Variants in ADAM7 observed in about 807,000 individuals in gnomAD.
The protein encoded by ADAM7 is ADAM metallopeptidase domain 7.
A neutral mutation model predicts 102.9 loss-of-function variants in ADAM7; 97 were observed. The observed-to-expected ratio is 0.94, with a 90% CI of 0.80 to 1.12. ADAM7 has a LOEUF of 1.12. ADAM7 is among the 50% of genes most tolerant of loss of function. The pLI is 0.00. For synonymous variants in ADAM7, 334 were observed against 304.4 expected, an observed-to-expected ratio of 1.10 and a Z score of -1.01; for missense variants, 991 against 908.7, an observed-to-expected ratio of 1.09 and a Z score of -1.16.
intron 3 of ADAM7, among the ~76,000 whole-genome samples, chr8:24,452,745 TCGA>T: frequency 6.6e-6 from 1 of 151,832 alleles, no homozygotes; most frequent in African/African-American, 2.4e-5. Context: ...CTTCCTAGCC[TCGA>T]TGGTCTTTAC....
chr8:24,454,221 C>T (rs994077776), intron 3 of ADAM7, among the ~76,000 whole-genome samples: 3 of 152,222 alleles, frequency 2.0e-5, no homozygotes, highest in Non-Finnish European at 4.4e-5. Flanking sequence ...GAGGTTACTG[C>T]TGTCTTTTTG....
chr8:24,441,375 G>C (rs1818368129), intron 1 of ADAM7, among the ~76,000 whole-genome samples: 1 of 152,250 alleles, frequency 6.6e-6, no homozygotes, highest in Non-Finnish European at 1.5e-5. Flanking sequence ...GGAGAAAGGA[G>C]TGGACAAGTA....
chr8:24,482,585 CAA>C lies in ADAM7; in HGVS notation c.875+279_875+280del, dbSNP rs1255196641. 3.9e-5 allele frequency among the ~76,000 whole-genome samples: 6 copies of C among 152,020 alleles called. No homozygotes were observed. The East Asian group carries it at 9.7e-4, about 25-fold the overall frequency. On this transcript the variant is annotated intron_variant, in intron 9 of 21. Transcript: ENST00000175238. Reference sequence around the variant, plus strand: ...GCAACATAGCAAGACCCCATCTGTACAAAAAATTTAAAAATTAGCTGAGCATG... The same window carrying C: ...GCAACATAGCAAGACCCCATCTGTACAAAATTTAAAAATTAGCTGAGCATG...
intron 9 of ADAM7, among the ~76,000 whole-genome samples, chr8:24,484,949 G>T (rs1337723904): frequency 6.6e-6 from 1 of 151,740 alleles, no homozygotes; most frequent in African/African-American, 2.4e-5. Flanking sequence ...GGGACTACAG[G>T]TGTGCACCAC....
intron 7 of ADAM7, among the ~76,000 whole-genome samples, chr8:24,469,888 A>G (rs1819548438): frequency 6.6e-6 from 1 of 152,138 alleles, no homozygotes; most frequent in South Asian, 2.1e-4. Context: ...TAGAGAATGG[A>G]GGATATAGAG....
Position 24,508,924 on chromosome 8 carries a change from G to T in ADAM7, c.*378G>T, listed in dbSNP as rs1821035178. ...AAGAAGAAAACATTGCATATAAAAA[G>T]TTACTTTTTTGGAAACATAAAAGTA... is the stretch of plus-strand genomic sequence containing the variant. On this transcript the variant is annotated 3_prime_UTR_variant, in exon 22 of 22. Coordinates refer to ENST00000175238, the MANE Select transcript of ADAM7 (RefSeq NM_003817.4). The T allele has an allele frequency of 1.5e-5, 16 of 1,049,110 alleles. No individual in the cohort carries two copies. Among genetic ancestry groups the T allele is most frequent in the Non-Finnish European group, 1.7e-5 (15 of 872,470 alleles). The allele number at this position is 1,049,110 out of a possible 1,614,324, so 65.0% of individuals were successfully genotyped here.
chr8:24,452,368 C>T (rs1233566229), intron 3 of ADAM7, among the ~76,000 whole-genome samples: 3 of 147,874 alleles, frequency 2.0e-5, no homozygotes, highest in Non-Finnish European at 4.5e-5. Flanking sequence ...GGATAGTTAG[C>T]TCTTCTTGTT....
chr8:24,443,433 G>A (rs1177368211), intron 2 of ADAM7, among the ~76,000 whole-genome samples: 3 of 152,098 alleles, frequency 2.0e-5, no homozygotes, highest in Admixed American at 1.3e-4. Context: ...GCAACTCTCC[G>A]TCTCCTCCCG....
chr8:24,476,494 T>G lies in ADAM7; in HGVS notation c.695T>G (p.Phe232Cys), dbSNP rs767325259. 4 of 1,607,802 alleles carry G rather than the reference T, an allele frequency of 2.5e-6. No individual in the cohort carries two copies. In the Admixed American group the frequency reaches 5.0e-5, roughly 20 times the overall value. The change falls in exon 8 of 22, where the codon TTT (phenylalanine) becomes TGT (cysteine). Residue 232 changes from phenylalanine (F) to cysteine (C), a missense_variant. Transcript: ENST00000175238. The part of the protein sequence containing the change: ...LRNRIWGMVN[F>C]VNMIYKTLNI... Reference sequence around the variant, plus strand: ...AACCGAATTTGGGGAATGGTCAATTTTGTCAACATGGTAAGATTTGATACA... The same window carrying G: ...AACCGAATTTGGGGAATGGTCAATTGTGTCAACATGGTAAGATTTGATACA...
chr8:24,504,209 A>G lies in ADAM7; in HGVS notation c.2208+2633A>G, dbSNP rs187541086. On this transcript the variant is annotated intron_variant, in intron 20 of 21. Transcript: ENST00000175238. ...ATGTCAAGCCTTTGTCTATATAAAA[A>G]AAGAAAAACAGCCAAACATAATGGT... Among the ~76,000 whole-genome samples, 200 of 152,084 alleles carry G rather than the reference A, an allele frequency of 1.3e-3. 1 individual carries two copies. The highest frequency in any genetic ancestry group is 4.0e-3 in the Admixed American group (61 of 15,240).
intron 7 of ADAM7, among the ~76,000 whole-genome samples, chr8:24,471,471 T>C (rs2129384307): frequency 6.6e-6 from 1 of 151,752 alleles, no homozygotes; most frequent in South Asian, 2.1e-4. Flanking sequence ...CCAGGTTTTT[T>C]TTTTTTGTCA....
chr8:24,461,894 T>C (rs981240318), intron 3 of ADAM7, among the ~76,000 whole-genome samples: 15 of 152,244 alleles, frequency 9.9e-5, no homozygotes, highest in Non-Finnish European at 1.9e-4. Flanking sequence ...CAAATAACTT[T>C]CTTTTACTTT....
chr8:24,476,488 T>C lies in ADAM7; in HGVS notation c.689T>C (p.Val230Ala). The stretch of plus-strand genomic sequence containing the variant: ...CTAAGGAACCGAATTTGGGGAATGG[T>C]CAATTTTGTCAACATGGTAAGATTT... ...NKLRNRIWGM[V>A]NFVNMIYKTL... Residue 230 changes from valine (V) to alanine (A), a missense_variant, in exon 8 of 22, where the codon GTC becomes GCC. Transcript: ENST00000175238. 6.2e-7 allele frequency: 1 copy of C among 1,608,170 alleles called. No homozygotes were observed. Among genetic ancestry groups the C allele is most frequent in the South Asian group, 1.1e-5 (1 of 90,296 alleles).
At chr8:24,441,447 T>G (rs772971527) in intron 1 of ADAM7, among the ~76,000 whole-genome samples, 10 of 152,170 alleles carry the variant, frequency 6.6e-5, no homozygotes, top group Non-Finnish European at 1.2e-4. Flanking sequence ...TGTTAAAGTG[T>G]TTAAAATTTG....
intron 3 of ADAM7, among the ~76,000 whole-genome samples, chr8:24,452,700 T>C (rs1230148629): frequency 6.6e-6 from 1 of 151,284 alleles, no homozygotes; most frequent in Non-Finnish European, 1.5e-5. Context: ...ATTATGATGT[T>C]AGCTGGTTAT....
intron 12 of ADAM7, 101 bp from the exon 13 acceptor site, chr8:24,490,698 T>C (rs1486858101): frequency 1.7e-6 from 2 of 1,164,650 alleles, no homozygotes; most frequent in African/African-American, 3.1e-5. Context: ...TGCATCACTA[T>C]TTAACTCTAT....
At chr8:24,492,396 A>G in intron 14 of ADAM7, 99 bp from the exon 15 acceptor site, 1 of 888,972 alleles carries the variant, frequency 1.1e-6, no homozygotes, top group East Asian at 2.5e-5. Flanking sequence ...TCACTATGAC[A>G]TGATTCTGAA....
In ADAM7 at chr8:24,487,217, A is replaced by G; in HGVS notation, c.991A>G (p.Asn331Asp). ...TTTACCTGACACAAACATAATTGCA[A>G]ACAGAATGGCACATCAACTGGGGCA... ...DLLPDTNIIA[N>D]RMAHQLGHNL... Residue 331 changes from asparagine (N) to aspartate (D), a missense_variant, in exon 11 of 22, where the codon AAC becomes GAC. Asn to Asp is a conservative substitution (Grantham distance 23). Transcript: ENST00000175238. 1 of 1,613,880 alleles carries G rather than the reference A, an allele frequency of 6.2e-7. No individual in the cohort carries two copies. Among genetic ancestry groups the G allele is most frequent in the Non-Finnish European group, 8.5e-7 (1 of 1,179,828 alleles).
At chr8:24,484,782 T>C (rs999040135) in intron 9 of ADAM7, among the ~76,000 whole-genome samples, 2 of 151,428 alleles carry the variant, frequency 1.3e-5, no homozygotes, top group African/African-American at 2.4e-5. Context: ...TTCTACAATT[T>C]CAGTGTAAGA....
Sources: allele counts gnomAD v4.1 joint callset (sites outside exome capture counted in the v4.1 genomes callset), GRCh38; gene constraint gnomAD v4.1.1; transcripts MANE v1.5; gene names NCBI Gene and HGNC (gene_info 2026-07-23, HGNC 2026-07-21).